Variants in C6 observed in about 807,000 individuals in gnomAD.
C6 encodes the protein complement component C6.
In C6, 101 loss-of-function variants were observed where a neutral mutation model predicts 112.9. The observed-to-expected ratio is 0.89, with a 90% CI of 0.76 to 1.06. The LOEUF is 1.06. C6 is among the 50% of genes least tolerant of loss of function. The pLI, the probability that C6 is intolerant of heterozygous loss-of-function variation, is 0.00. For missense variants in C6, 1,202 were observed against 1,104.6 expected (o/e 1.09, Z -1.25); for synonymous variants, 431 against 384.1 (o/e 1.12, Z -1.43).
chr5:41,168,710 C>T lies in C6; in HGVS notation c.1291+3515G>A, dbSNP rs373745296. On this transcript the variant is annotated intron_variant, in intron 9 of 17. Coordinates refer to ENST00000337836, the MANE Select transcript of C6 (RefSeq NM_000065.5). ...AAGTCCTAGGACCCTCAGTTCCTTA[C>T]GGATGGACTAAATGGCTGGCATCAT... Among the ~76,000 whole-genome samples, 15 of 152,232 alleles carry T rather than the reference C, an allele frequency of 9.9e-5. 1 individual carries two copies. The highest frequency in any genetic ancestry group is 3.4e-3 in the Middle Eastern group (1 of 294).
chr5:41,176,843 A>G, intron 7 of C6, 128 bp from the exon 8 acceptor site: 2 of 910,436 alleles, frequency 2.2e-6, no homozygotes, highest in South Asian at 3.2e-5. Context: ...CTCACTCTCT[A>G]TTGCATGTTC....
chr5:41,192,406 G>A (rs1580157229), intron 5 of C6, among the ~76,000 whole-genome samples: 2 of 152,194 alleles, frequency 1.3e-5, no homozygotes, highest in East Asian at 3.9e-4. Context: ...TGTAGAATGA[G>A]TTTGGAAAAG....
chr5:41,225,517 G>T (rs1041645223), intron 1 of C6, among the ~76,000 whole-genome samples: 17 of 152,028 alleles, frequency 1.1e-4, no homozygotes, highest in Non-Finnish European at 2.5e-4. Context: ...GAATAGTGCC[G>T]CAATAAACAT....
chr5:41,175,978 T>A (rs74479016), intron 8 of C6, among the ~76,000 whole-genome samples: 1 of 152,254 alleles, frequency 6.6e-6, no homozygotes, highest in Non-Finnish European at 1.5e-5. Context: ...TGTCAAGTTT[T>A]TAACTTTTCT....
intron 5 of C6, among the ~76,000 whole-genome samples, chr5:41,194,168 T>C (rs988623078): frequency 6.6e-6 from 1 of 152,212 alleles, no homozygotes; most frequent in African/African-American, 2.4e-5. Flanking sequence ...TGGCTGACGT[T>C]TTCTTGTAGG....
At chr5:41,222,416 CAG>C (rs1176175309) in intron 1 of C6, among the ~76,000 whole-genome samples, 2 of 151,824 alleles carry the variant, frequency 1.3e-5, no homozygotes, top group African/African-American at 4.8e-5. Flanking sequence ...TTGCATTAAA[CAG>C]AAAAGTTTTA....
At position 41,158,789 on chromosome 5, in the gene C6, A is replaced by C. The variant is rs1747176574; in HGVS notation, c.1857-4T>G. 1 of 1,476,398 alleles carries C rather than the reference A, an allele frequency of 6.8e-7. No homozygotes were observed. Among genetic ancestry groups the C allele is most frequent in the East Asian group, 2.3e-5 (1 of 44,160 alleles). 91.5% of individuals were successfully genotyped at this position (1,476,398 alleles called of 1,614,324 possible). ...ATCATTGATACATGGTTGTCCACTA[A>C]AAGGGAAACATAAATATGTGTGTAT... On this transcript the variant is annotated splice_polypyrimidine_tract_variant and splice_region_variant and intron_variant, in intron 12 of 17. Coordinates refer to ENST00000337836, the MANE Select transcript of C6 (RefSeq NM_000065.5).
At chr5:41,158,898 T>C (rs1281138042) in intron 12 of C6, 113 bp from the exon 13 acceptor site, 1 of 984,474 alleles carries the variant, frequency 1.0e-6, no homozygotes, top group African/African-American at 1.6e-5. Context: ...ATGTATTAAA[T>C]AGAAAACATT....
chr5:41,237,258 G>C (rs1160610524), intron 1 of C6, among the ~76,000 whole-genome samples: 2 of 118,488 alleles, frequency 1.7e-5, no homozygotes, highest in Admixed American at 1.8e-4. Flanking sequence ...ACCAAAGCCG[G>C]GCAGAGACAC....
intron 1 of C6, among the ~76,000 whole-genome samples, chr5:41,259,375 G>A (rs191278294): frequency 7.2e-5 from 11 of 152,158 alleles, no homozygotes; most frequent in Non-Finnish European, 1.3e-4. Flanking sequence ...AGAATCTCTT[G>A]TATTTTATTC....
intron 3 of C6, among the ~76,000 whole-genome samples, chr5:41,200,693 T>C (rs77862406): frequency 0.04 from 6,017 of 152,218 alleles, 129 homozygotes; most frequent in Middle Eastern, 0.071. Context: ...GTGGTTCACA[T>C]TGGCCGATGC....
intron 6 of C6, among the ~76,000 whole-genome samples, chr5:41,183,808 A>G (rs1483945052): frequency 6.6e-6 from 1 of 152,212 alleles, no homozygotes; most frequent in Non-Finnish European, 1.5e-5. Context: ...CATAAAAAGA[A>G]TGAAATCATG....
In C6 at chr5:41,186,092, T is replaced by G. The variant is rs751053379; in HGVS notation, c.704A>C (p.Asn235Thr). The G allele has an allele frequency of 8.7e-6, 14 of 1,613,898 alleles. No individual in the cohort carries two copies. The highest frequency in any genetic ancestry group is 9.3e-6 in the Non-Finnish European group (11 of 1,179,946). ...TACCTCAAAGCCGACATTTTCCAGA[T>G]TGGCCGGAACACGGTATGGATTACT... ...RTSNPYRVPA[N>T]LENVGFEVQT... The change falls in exon 6 of 18, where the codon AAT (asparagine) becomes ACT (threonine). Residue 235 changes from asparagine to threonine, a missense_variant. Transcript: ENST00000337836.
At chr5:41,204,469 A>G (rs1399523942) in intron 1 of C6, among the ~76,000 whole-genome samples, 1 of 152,106 alleles carries the variant, frequency 6.6e-6, no homozygotes, top group East Asian at 1.9e-4. Flanking sequence ...CCAGAGGATG[A>G]GTTTCTGATT....
chr5:41,180,500 A>G (rs1431833183), intron 7 of C6, among the ~76,000 whole-genome samples: 2 of 152,178 alleles, frequency 1.3e-5, no homozygotes, highest in African/African-American at 4.8e-5. Context: ...GGAACACATG[A>G]AGCTGTAGCT....
In C6 at chr5:41,164,721, G is replaced by C. The variant is rs113803307; in HGVS notation, c.1292-2862C>G. Reference sequence around the variant, plus strand: ...TTGCAATGTCCTCTTGTTCCTACAGGCTGAAAACTGGGGTCCATATGTGAT... The same window carrying C: ...TTGCAATGTCCTCTTGTTCCTACAGCCTGAAAACTGGGGTCCATATGTGAT... On this transcript the variant is annotated intron_variant, in intron 9 of 17. Coordinates refer to ENST00000337836, the MANE Select transcript of C6 (RefSeq NM_000065.5). Among the ~76,000 whole-genome samples, 585 of 152,216 alleles carry C rather than the reference G, an allele frequency of 3.8e-3. 3 individuals are homozygous for C. Among genetic ancestry groups the C allele is most frequent in the African/African-American group, 0.013 (560 of 41,536 alleles).
intron 16 of C6, 75 bp from the exon 17 acceptor site, chr5:41,149,557 TGTTC>T: frequency 6.3e-7 from 1 of 1,585,740 alleles, no homozygotes; most frequent in South Asian, 1.1e-5. Flanking sequence ...CAATGTAGTG[TGTTC>T]ACTCACCAAC....
intron 1 of C6, among the ~76,000 whole-genome samples, chr5:41,223,281 C>T (rs879638583): frequency 3.9e-5 from 6 of 152,142 alleles, no homozygotes; most frequent in East Asian, 1.9e-4. Flanking sequence ...GTGATGATTT[C>T]GTTATTCTCC....
intron 1 of C6, among the ~76,000 whole-genome samples, chr5:41,241,629 C>G (rs1300035217): frequency 6.6e-6 from 1 of 152,064 alleles, no homozygotes; most frequent in East Asian, 1.9e-4. Flanking sequence ...TTCATAAAGC[C>G]TACTTGTGGT....
Sources: gnomAD v4.1 joint callset for allele counts (sites outside exome capture counted in the v4.1 genomes callset) on GRCh38, gnomAD v4.1.1 for gene constraint, MANE v1.5 for transcripts, NCBI Gene and HGNC (gene_info 2026-07-23, HGNC 2026-07-21) for gene names.